CIC: variants seen among roughly 807,000 people sequenced by gnomAD.
CIC encodes protein capicua homolog.
Under a neutral mutation model 115.7 loss-of-function variants are expected in CIC, and 18 were observed. That is an observed-to-expected ratio of 0.16 (90% CI 0.11 to 0.23). The LOEUF is 0.23. CIC is among the 10% of genes least tolerant of loss of function. CIC has a pLI of 1.00. For missense variants in CIC, 2,000 were observed against 2,159.3 expected (o/e 0.93, Z 1.46); for synonymous variants, 1,076 against 923.0 (o/e 1.17, Z -3.01).
At chr19:42,277,671 A>C (rs2037038141) in intron 2 of CIC, among the ~76,000 whole-genome samples, 1 of 152,236 alleles carries the variant, frequency 6.6e-6, no homozygotes, top group Admixed American at 6.5e-5. Flanking sequence ...GGGCCGTTTC[A>C]TCAGCTCCGC....
intron 7 of CIC, 147 bp downstream of exon 7, chr19:42,288,122 A>G: frequency 2.3e-6 from 2 of 869,520 alleles, no homozygotes; most frequent in Non-Finnish European, 3.6e-6. Flanking sequence ...AGGAACCGGC[A>G]GTTGATTCAT....
Position 42,295,224 on chromosome 19 carries a change from A to G in CIC, c.*33A>G. On this transcript the variant is annotated 3_prime_UTR_variant, in exon 21 of 21. Coordinates refer to ENST00000681038, the MANE Select transcript of CIC (RefSeq NM_001386298.1). The stretch of plus-strand genomic sequence containing the variant: ...CTGAGAAGATGCCAGGACTTATAGT[A>G]CCCCCTCAGGACATGGACAGTATGT... 1 of 1,509,348 alleles carries G rather than the reference A, an allele frequency of 6.6e-7. No individual in the cohort carries two copies. 93.5% of individuals were successfully genotyped at this position (1,509,348 alleles called of 1,614,324 possible).
chr19:42,291,899 G>A (rs547132138), intron 12 of CIC, among the ~76,000 whole-genome samples, 154 bp downstream of exon 12: 1 of 151,956 alleles, frequency 6.6e-6, no homozygotes, highest in African/African-American at 2.4e-5. Context: ...ACTCTCTCAA[G>A]TCCTCAGTGT....
At position 42,292,157 on chromosome 19, in the gene CIC, C is replaced by T. The variant is rs2038170424; in HGVS notation, c.5685C>T (p.Leu1895=). The change falls in exon 13 of 21, where the codon CTC becomes CTT. Residue 1895 remains leucine, a synonymous_variant. Coordinates refer to ENST00000681038, the MANE Select transcript of CIC (RefSeq NM_001386298.1). ...GLVPPLSPAT[L]PGPTSQPQKV... ...TGCCGCCCCTGAGCCCAGCCACACTCCCTGGACCCACCTCTCAGCCTCAGA... is the reference window on the plus strand; with the variant it reads ...TGCCGCCCCTGAGCCCAGCCACACTTCCTGGACCCACCTCTCAGCCTCAGA... The T allele has an allele frequency of 2.5e-6, 4 of 1,613,904 alleles. No homozygotes were observed. The highest frequency in any genetic ancestry group is 2.2e-5 in the East Asian group (1 of 44,888).
chr19:42,293,777 T>C lies in CIC; in HGVS notation c.6708T>C (p.Thr2236=). The C allele has an allele frequency of 6.2e-7, 1 of 1,612,848 alleles. No homozygotes were observed. The highest frequency in any genetic ancestry group is 8.5e-7 in the Non-Finnish European group (1 of 1,179,800). ...DTPERKEAAG[T]GKKVKVRPPP... ...CGGAGCGCAAGGAGGCGGCTGGTAC[T>C]GGCAAGAAGGTGAAGGTGCGGCCCC... Residue 2236 remains threonine, a synonymous_variant, in exon 17 of 21, where the codon ACT becomes ACC. Transcript: ENST00000681038.
chr19:42,293,058 C>T lies in CIC; in HGVS notation c.6299C>T (p.Ser2100Phe). Residue 2100 changes from serine to phenylalanine, a missense_variant, in exon 16 of 21, where the codon TCC becomes TTC. Physicochemically the swap from Ser to Phe is radical, Grantham distance 155. Transcript: ENST00000681038. ...GCCATCGCCAGCATTCCCGTGGGGT[C>T]CTTTGAGGCAGGTGCCTCTGGGCGG... ...KAAIASIPVGSFEAGASGRPG... is the reference protein window; with the variant it reads ...KAAIASIPVGFFEAGASGRPG... 6.2e-7 allele frequency: 1 copy of T among 1,612,636 alleles called. No individual in the cohort carries two copies. The highest frequency in any genetic ancestry group is 2.2e-5 in the East Asian group (1 of 44,852).
At chr19:42,293,533 G>C in intron 16 of CIC, 59 bp from the exon 17 acceptor site, 1 of 1,611,560 alleles carries the variant, frequency 6.2e-7, no homozygotes, top group Non-Finnish European at 8.5e-7. Context: ...TTTGTTTCTG[G>C]CCTTTGCCCC....
At position 42,290,258 on chromosome 19, in the gene CIC, C is replaced by T. The variant is rs951320175; in HGVS notation, c.4217C>T (p.Pro1406Leu). The T allele has an allele frequency of 1.2e-6, 2 of 1,613,972 alleles. No homozygotes were observed. Among genetic ancestry groups the T allele is most frequent in the Non-Finnish European group, 1.7e-6 (2 of 1,179,988 alleles). Residue 1406 changes from proline to leucine, a missense_variant, in exon 11 of 21, where the codon CCT becomes CTT. By Grantham distance (98) the Pro-to-Leu change is moderately conservative. Around this residue, in one of 8 missense-constraint regions of CIC, gnomAD observed 1,466 missense variants for 1,390.4 expected, o/e 1.05. Transcript: ENST00000681038. ...GGCTTTGGTCGGAAGGTGTTTTCAC[C>T]TGTGATCCGTTCCTCCTTTACCCAC... ...NKGFGRKVFS[P>L]VIRSSFTHCR...
chr19:42,269,307 G>A lies in CIC; in HGVS notation c.-85G>A, dbSNP rs1325382632. On this transcript the variant is annotated 5_prime_UTR_variant, in exon 1 of 21. Coordinates refer to ENST00000681038, the MANE Select transcript of CIC (RefSeq NM_001386298.1). ...GGGAGAATCGAGAGGGAGAGCCGGAGGGGGGGCGGGGAGGGACCGGACCGG... is the reference window on the plus strand; with the variant it reads ...GGGAGAATCGAGAGGGAGAGCCGGAAGGGGGGCGGGGAGGGACCGGACCGG... 2.0e-5 allele frequency: 3 copies of A among 150,426 alleles called. No individual in the cohort carries two copies. The highest frequency in any genetic ancestry group is 4.5e-5 in the Non-Finnish European group (3 of 67,384). 9.3% of individuals were successfully genotyped at this position (150,426 alleles called of 1,614,324 possible).
chr19:42,295,643 A>G lies in CIC; in HGVS notation c.*452A>G. On this transcript the variant is annotated 3_prime_UTR_variant, in exon 21 of 21. Coordinates refer to ENST00000681038, the MANE Select transcript of CIC (RefSeq NM_001386298.1). ...CAGGCACGGGGAGGGTTTTCTCCTCACCCCCTCTGCCCTCCCAACTTGGGT... is the reference window on the plus strand; with the variant it reads ...CAGGCACGGGGAGGGTTTTCTCCTCGCCCCCTCTGCCCTCCCAACTTGGGT... 4.3e-6 allele frequency: 1 copy of G among 234,304 alleles called. No individual in the cohort carries two copies. Among genetic ancestry groups the G allele is most frequent in the Non-Finnish European group, 8.4e-6 (1 of 119,064 alleles). 14.5% of individuals were successfully genotyped at this position (234,304 alleles called of 1,614,324 possible).
Position 42,271,872 on chromosome 19 carries a change from G to A in CIC, c.89G>A (p.Arg30Lys). ...SPPATRAKAL[R>K]RRGAGEGDKP... The stretch of plus-strand genomic sequence containing the variant: ...CCAGCCACCAGGGCCAAGGCTCTGA[G>A]GCGGCGAGGGGCTGGGGAGGGTGAC... The change falls in exon 2 of 21, where the codon AGG (arginine) becomes AAG (lysine). Residue 30 changes from arginine (R) to lysine (K), a missense_variant. This residue lies in a region of CIC where 222 missense variants were observed against 247.7 expected (regional missense o/e 0.90). Coordinates refer to ENST00000681038, the MANE Select transcript of CIC (RefSeq NM_001386298.1). 2 of 398,904 alleles carry A rather than the reference G, an allele frequency of 5.0e-6. No homozygotes were observed. The highest frequency in any genetic ancestry group is 8.8e-6 in the Non-Finnish European group (2 of 226,246). 24.7% of individuals were successfully genotyped at this position (398,904 alleles called of 1,614,324 possible). A position where few individuals can be genotyped will look rare whatever the true frequency, so the allele number is the denominator to read the frequency against.
rs530513962 is a variant in CIC, at chr19:42,290,073, G to A, written c.4191+122G>A. 1.5e-4 allele frequency: 200 copies of A among 1,373,194 alleles called. No homozygotes were observed. The African/African-American group carries it at 2.4e-3, about 17-fold the overall frequency. The allele number at this position is 1,373,194 out of a possible 1,614,324, so 85.1% of individuals were successfully genotyped here. ...CCAGAGAGGGCAAGCTGCTTGCCCC[G>A]TGGGGAGTTGGGTCATAGTCAGGAT... On this transcript the variant is annotated intron_variant, in intron 10 of 20. Coordinates refer to ENST00000681038, the MANE Select transcript of CIC (RefSeq NM_001386298.1).
At chr19:42,279,809 C>T (rs2042109627) in intron 2 of CIC, among the ~76,000 whole-genome samples, 1 of 152,180 alleles carries the variant, frequency 6.6e-6, no homozygotes, top group South Asian at 2.1e-4. Context: ...AAGAAGATGG[C>T]TTGGGGAAGA....
rs573625418 is a variant in CIC, at chr19:42,293,059, C to G, written c.6300C>G (p.Ser2100=). The G allele has an allele frequency of 1.9e-6, 3 of 1,612,602 alleles. No homozygotes were observed. In the South Asian group the frequency reaches 3.3e-5, roughly 18 times the overall value. The stretch of plus-strand genomic sequence containing the variant: ...CCATCGCCAGCATTCCCGTGGGGTC[C>G]TTTGAGGCAGGTGCCTCTGGGCGGC... ...KAAIASIPVG[S]FEAGASGRPG... The change falls in exon 16 of 21, where the codon TCC becomes TCG. Residue 2100 remains serine (S), a synonymous_variant. Transcript: ENST00000681038.
chr19:42,287,865 G>A lies in CIC; in HGVS notation c.3548G>A (p.Arg1183Gln). 2 of 1,612,744 alleles carry A rather than the reference G, an allele frequency of 1.2e-6. No homozygotes were observed. Among genetic ancestry groups the A allele is most frequent in the Non-Finnish European group, 1.7e-6 (2 of 1,179,348 alleles). Residue 1183 changes from arginine (R) to glutamine (Q), a missense_variant, in exon 7 of 21, where the codon CGA becomes CAA. Arg to Gln is a conservative substitution (Grantham distance 43). Coordinates refer to ENST00000681038, the MANE Select transcript of CIC (RefSeq NM_001386298.1). This position sits in a 1 kb window ranked among gnomAD's most constrained non-coding sequence, Gnocchi z 8.7. The stretch of plus-strand genomic sequence containing the variant: ...GATTGGAAGTGGTGCAACAAGGACC[G>A]AAAGAAGTCCAGCTCAGAGGCCAAG... Reference protein sequence around the residue: ...HPDWKWCNKDRKKSSSEAKPT... With the variant: ...HPDWKWCNKDQKKSSSEAKPT...
At chr19:42,293,363 T>C (rs548882669) in intron 16 of CIC, 82 bp downstream of exon 16, 1 of 1,437,602 alleles carries the variant, frequency 7.0e-7, no homozygotes, top group East Asian at 2.5e-5. Flanking sequence ...TGTCCTACTC[T>C]TCTTTCCATG....
At chr19:42,293,428 T>C in intron 16 of CIC, 147 bp downstream of exon 16, 1 of 1,362,458 alleles carries the variant, frequency 7.3e-7, no homozygotes, top group Non-Finnish European at 1.0e-6. Flanking sequence ...CTGCCTGTGT[T>C]GTCTCCTCTC....
chr19:42,295,318 C>A lies in CIC; in HGVS notation c.*127C>A. Reference sequence around the variant, plus strand: ...CTCTCCAGTTTGGGGCGGAATGAGGCCTGCTCCTCTTGTAAATACCCCCTT... The same window carrying A: ...CTCTCCAGTTTGGGGCGGAATGAGGACTGCTCCTCTTGTAAATACCCCCTT... On this transcript the variant is annotated 3_prime_UTR_variant, in exon 21 of 21. Transcript: ENST00000681038. The A allele has an allele frequency of 1.2e-6, 1 of 813,858 alleles. No individual in the cohort carries two copies. Among genetic ancestry groups the A allele is most frequent in the Non-Finnish European group, 1.9e-6 (1 of 521,050 alleles). 50.4% of individuals were successfully genotyped at this position (813,858 alleles called of 1,614,324 possible).
Position 42,293,652 on chromosome 19 carries a change from CGTG to C in CIC, c.6585_6587del (p.Gly2196del). 1 of 1,613,066 alleles carries C rather than the reference CGTG, an allele frequency of 6.2e-7. No individual in the cohort carries two copies. The highest frequency in any genetic ancestry group is 8.5e-7 in the Non-Finnish European group (1 of 1,179,846). On this transcript the variant is annotated inframe_deletion, in exon 17 of 21. Transcript: ENST00000681038. ...CGTCCCTGGGCAGGGCCTGGAGAAT[CGTG>C]GGGAGCCTCCCACTCCTCCCAGCCC...
Sources: gnomAD v4.1 joint callset for allele counts (sites outside exome capture counted in the v4.1 genomes callset) on GRCh38, gnomAD v4.1.1 for gene constraint, gnomAD v4.1.1 regional missense constraint, Gnocchi (gnomAD v3.1) non-coding constraint, MANE v1.5 for transcripts, NCBI Gene and HGNC (gene_info 2026-07-23, HGNC 2026-07-21) for gene names.